Variants in ADHFE1 observed in about 807,000 individuals in gnomAD.
The protein encoded by ADHFE1 is hydroxyacid-oxoacid transhydrogenase, mitochondrial.
In ADHFE1, 37 loss-of-function variants were observed where a neutral mutation model predicts 54.8. The ratio of observed to expected loss-of-function variants is 0.68; its 90% CI spans 0.52 to 0.89. The LOEUF (loss-of-function observed/expected upper bound fraction) is 0.89. Ranked by LOEUF, ADHFE1 falls within the 40% of genes least tolerant of loss-of-function variation. The pLI is 0.00. For synonymous variants in ADHFE1, 203 were observed against 229.3 expected (o/e 0.89, Z 1.04); for missense variants, 601 against 591.2 (o/e 1.02, Z -0.17).
At chr8:66,455,359 GC>G (rs1347625589) in intron 10 of ADHFE1, among the ~76,000 whole-genome samples, 1 of 152,214 alleles carries the variant, frequency 6.6e-6, no homozygotes, top group African/African-American at 2.4e-5. Flanking sequence ...GGATCAGAAT[GC>G]TTGTCAATAG....
intron 8 of ADHFE1, among the ~76,000 whole-genome samples, chr8:66,451,662 G>A (rs527361707): frequency 1.3e-4 from 20 of 151,976 alleles, no homozygotes; most frequent in African/African-American, 2.7e-4. Context: ...TATATAATTC[G>A]ACACCATAAA....
chr8:66,468,122 T>TTAAAAA, intron 13 of ADHFE1, 147 bp from the exon 14 acceptor site: 1 of 555,206 alleles, frequency 1.8e-6, no homozygotes, highest in Non-Finnish European at 3.2e-6. Flanking sequence ...GATCAACTCA[T>TTAAAAA]ATGAAGTATA....
intron 12 of ADHFE1, among the ~76,000 whole-genome samples, 169 bp downstream of exon 12, chr8:66,457,335 G>A (rs180769438): frequency 4.0e-5 from 6 of 148,518 alleles, no homozygotes; most frequent in East Asian, 2.0e-4. Flanking sequence ...AAAAATAGCC[G>A]TGTACAGTAG....
At chr8:66,446,496 C>T (rs1760192731) in intron 6 of ADHFE1, among the ~76,000 whole-genome samples, 3 of 152,356 alleles carry the variant, frequency 2.0e-5, no homozygotes, top group African/African-American at 7.2e-5. Context: ...GCTATTAATA[C>T]AGCACAGTCA....
intron 8 of ADHFE1, among the ~76,000 whole-genome samples, chr8:66,449,870 G>A (rs928214106): frequency 2.0e-5 from 3 of 152,218 alleles, no homozygotes; most frequent in Non-Finnish European, 2.9e-5. Context: ...TGTATTCCCA[G>A]CACTTTGGGA....
intron 13 of ADHFE1, among the ~76,000 whole-genome samples, chr8:66,462,435 A>G (rs112261785): frequency 0.026 from 3,927 of 152,210 alleles, 72 homozygotes; most frequent in Middle Eastern, 0.048. Flanking sequence ...ACTTTTTTGT[A>G]CACAATAGGT....
At chr8:66,464,852 T>C (rs1807085508) in intron 13 of ADHFE1, among the ~76,000 whole-genome samples, 1 of 152,172 alleles carries the variant, frequency 6.6e-6, no homozygotes, top group Admixed American at 6.5e-5. Context: ...GGTGTGTCTG[T>C]TAAACACGAA....
chr8:66,454,309 T>C (rs1806458873), intron 10 of ADHFE1, 152 bp downstream of exon 10: 1 of 679,200 alleles, frequency 1.5e-6, no homozygotes, highest in Non-Finnish European at 2.3e-6. Flanking sequence ...CTTTTTCTTT[T>C]TTTCCTTTTT....
At chr8:66,453,783 C>T in intron 9 of ADHFE1, 1 of 1,417,878 alleles carries the variant, frequency 7.1e-7, no homozygotes, top group African/African-American at 1.4e-5. Context: ...CCCTCGCCAT[C>T]CAGGGACCAG....
intron 2 of ADHFE1, among the ~76,000 whole-genome samples, chr8:66,440,624 CTTTAAAATAATATTGTA>C (rs1174485060): frequency 2.6e-5 from 4 of 152,160 alleles, no homozygotes; most frequent in East Asian, 1.9e-4. Context: ...TTGTATCAGT[CTTTAAAATAATATTGTA>C]TTTAAAATAA....
In ADHFE1 at chr8:66,448,867, A is replaced by C. The variant is rs778098866; in HGVS notation, c.631A>C (p.Ile211Leu). ...TACTGAAAATCCTTATGTTTTAGGC[A>C]TCACTTCGAGAGCCATCAAACCCAC... ...DYEHLKVKIGITSRAIKPTLG... is the reference protein window; with the variant it reads ...DYEHLKVKIGLTSRAIKPTLG... Residue 211 changes from isoleucine (I) to leucine (L), a missense_variant and splice_region_variant, in exon 8 of 14, where the codon ATC becomes CTC. Coordinates refer to ENST00000396623, the MANE Select transcript of ADHFE1 (RefSeq NM_144650.3). The C allele has an allele frequency of 5.0e-6, 8 of 1,613,700 alleles. No individual in the cohort carries two copies. The highest frequency in any genetic ancestry group is 6.8e-6 in the Non-Finnish European group (8 of 1,179,836).
chr8:66,458,933 C>T (rs1806739516), intron 12 of ADHFE1, among the ~76,000 whole-genome samples: 1 of 152,124 alleles, frequency 6.6e-6, no homozygotes, highest in Non-Finnish European at 1.5e-5. Flanking sequence ...CCACCTAATC[C>T]ATATTTTAGC....
At chr8:66,453,661 G>A in intron 9 of ADHFE1, 1 of 1,359,548 alleles carries the variant, frequency 7.4e-7, no homozygotes, top group Non-Finnish European at 9.8e-7. Context: ...AAAGAGCGCT[G>A]GCCGGCAGGT....
chr8:66,433,636 T>C (rs1163419594), intron 1 of ADHFE1, among the ~76,000 whole-genome samples: 2 of 152,200 alleles, frequency 1.3e-5, no homozygotes, highest in Admixed American at 1.3e-4. Context: ...TCCTTGTTCT[T>C]AGGCCTGTAG....
chr8:66,435,037 C>T lies in ADHFE1; in HGVS notation c.59+2462C>T, dbSNP rs187214037. On this transcript the variant is annotated intron_variant, in intron 1 of 13. Coordinates refer to ENST00000396623, the MANE Select transcript of ADHFE1 (RefSeq NM_144650.3). ...CTTTGACTGTGTTATCTCTGGGGTA[C>T]AGCAGGGAACAAAACAACCTAACCA... Among the ~76,000 whole-genome samples the T allele has an allele frequency of 9.3e-5, 14 of 151,044 alleles. No individual in the cohort carries two copies. The East Asian group carries it at 2.7e-3, about 29-fold the overall frequency.
chr8:66,456,789 G>A (rs747795857), intron 10 of ADHFE1, 28 bp from the exon 11 acceptor site: 6 of 1,553,014 alleles, frequency 3.9e-6, no homozygotes, highest in South Asian at 3.4e-5. Context: ...AACTGTGTAT[G>A]AACATAAGGA....
intron 1 of ADHFE1, chr8:66,432,941 A>T: frequency 9.7e-7 from 1 of 1,026,130 alleles, no homozygotes; most frequent in East Asian, 7.5e-5. Flanking sequence ...GCCAAAAACT[A>T]TTCTAGGTTC....
Position 66,442,839 on chromosome 8 carries a change from T to G in ADHFE1, c.139T>G (p.Phe47Val). 6.3e-7 allele frequency: 1 copy of G among 1,593,540 alleles called. No homozygotes were observed. The highest frequency in any genetic ancestry group is 8.5e-7 in the Non-Finnish European group (1 of 1,174,280). Residue 47 changes from phenylalanine (F) to valine (V), a missense_variant, in exon 3 of 14, where the codon TTT becomes GTT. Phe to Val is a conservative substitution (Grantham distance 50). Coordinates refer to ENST00000396623, the MANE Select transcript of ADHFE1 (RefSeq NM_144650.3). ...SPSGKTTDYAFEMAVSNIRYG... is the reference protein window; with the variant it reads ...SPSGKTTDYAVEMAVSNIRYG... ...TTCTGGGAAAACAACAGATTATGCC[T>G]TTGAGGTATATTCACTCAATCCATT...
At chr8:66,444,107 G>A (rs941188088) in intron 3 of ADHFE1, among the ~76,000 whole-genome samples, 1 of 151,948 alleles carries the variant, frequency 6.6e-6, no homozygotes, top group Middle Eastern at 3.2e-3. Context: ...GTAGGCATTT[G>A]AAGCTAAGGG....
Sources: allele counts gnomAD v4.1 joint callset (sites outside exome capture counted in the v4.1 genomes callset), GRCh38; gene constraint gnomAD v4.1.1; transcripts MANE v1.5; gene names NCBI Gene and HGNC (gene_info 2026-07-23, HGNC 2026-07-21).